Variants in RAB2A observed in about 807,000 individuals in gnomAD.
RAB2A encodes RAB2A, member RAS oncogene family, also known as ras-related protein Rab-2A.
A neutral mutation model predicts 32.5 loss-of-function variants in RAB2A; 7 were observed. The observed-to-expected ratio is 0.22, with a 90% CI of 0.12 to 0.40. The LOEUF (loss-of-function observed/expected upper bound fraction) is 0.40. Ranked by LOEUF, RAB2A falls within the 10% of genes least tolerant of loss-of-function variation. RAB2A has a pLI of 1.00. For missense variants in RAB2A, 108 were observed against 260.7 expected, an observed-to-expected ratio of 0.41 and a Z score of 4.03; for synonymous variants, 79 against 85.2, an observed-to-expected ratio of 0.93 and a Z score of 0.40.
chr8:60,531,045 A>G (rs1477757141), intron 1 of RAB2A, among the ~76,000 whole-genome samples: 6 of 152,124 alleles, frequency 3.9e-5, no homozygotes, highest in African/African-American at 1.4e-4. Context: ...ATTCACCAAG[A>G]CTCAGGGTTT....
At chr8:60,564,456 T>C (rs1165335925) in intron 2 of RAB2A, among the ~76,000 whole-genome samples, 1 of 152,218 alleles carries the variant, frequency 6.6e-6, no homozygotes, top group Non-Finnish European at 1.5e-5. Flanking sequence ...TCTCTCATAT[T>C]AGCAAAATTC....
chr8:60,574,327 A>C (rs893919418), intron 3 of RAB2A, among the ~76,000 whole-genome samples: 2 of 152,120 alleles, frequency 1.3e-5, no homozygotes, highest in Admixed American at 1.3e-4. Context: ...GGATCCACCT[A>C]TATCTTATGC....
At chr8:60,601,346 CTT>C (rs879734121) in intron 6 of RAB2A, among the ~76,000 whole-genome samples, 1 of 147,270 alleles carries the variant, frequency 6.8e-6, no homozygotes, top group African/African-American at 2.5e-5. Context: ...TATTTTCTTT[CTT>C]TTTTTTTTTG....
chr8:60,533,132 A>G (rs1807502933), intron 1 of RAB2A, among the ~76,000 whole-genome samples: 1 of 152,226 alleles, frequency 6.6e-6, no homozygotes, highest in Admixed American at 6.5e-5. Flanking sequence ...TTCAATATCC[A>G]CACATGTCTA....
At chr8:60,536,691 G>A (rs1399796864) in intron 1 of RAB2A, among the ~76,000 whole-genome samples, 1 of 152,164 alleles carries the variant, frequency 6.6e-6, no homozygotes, top group Non-Finnish European at 1.5e-5. Flanking sequence ...TGCAGTGTCA[G>A]GATCATTTCA....
intron 1 of RAB2A, among the ~76,000 whole-genome samples, chr8:60,533,301 T>A (rs1807505589): frequency 6.6e-6 from 1 of 152,214 alleles, no homozygotes; most frequent in South Asian, 2.1e-4. Context: ...AAACTCTTGT[T>A]TTAAAGGAAT....
chr8:60,549,488 T>C (rs1029133735), intron 1 of RAB2A, among the ~76,000 whole-genome samples: 1 of 151,912 alleles, frequency 6.6e-6, no homozygotes, highest in Non-Finnish European at 1.5e-5. Flanking sequence ...CCTTTTTTTT[T>C]TTTTTTTTGG....
intron 2 of RAB2A, among the ~76,000 whole-genome samples, chr8:60,570,958 A>G (rs149202891): frequency 1.7e-3 from 263 of 152,304 alleles, no homozygotes; most frequent in African/African-American, 5.8e-3. Flanking sequence ...TCTGGGGACC[A>G]TGTGTGTCTT....
At chr8:60,602,362 A>C (rs1046689645) in intron 6 of RAB2A, among the ~76,000 whole-genome samples, 3 of 152,264 alleles carry the variant, frequency 2.0e-5, no homozygotes, top group Non-Finnish European at 2.9e-5. Context: ...TAAAAAATAT[A>C]ACACAATACC....
chr8:60,558,512 A>G (rs1234914503), intron 1 of RAB2A: 1 of 496,282 alleles, frequency 2.0e-6, no homozygotes, highest in South Asian at 1.5e-5. Flanking sequence ...AAATATTTTC[A>G]CTGTAACACA....
At chr8:60,590,482 A>T (rs964078108) in intron 5 of RAB2A, among the ~76,000 whole-genome samples, 14 of 141,792 alleles carry the variant, frequency 9.9e-5, no homozygotes, top group South Asian at 6.7e-4. Context: ...TGAAAAAATT[A>T]AAAAAAAAAA....
intron 3 of RAB2A, among the ~76,000 whole-genome samples, chr8:60,575,138 G>A (rs1389421493): frequency 1.5e-5 from 2 of 131,332 alleles, no homozygotes; most frequent in Admixed American, 8.7e-5. Context: ...TTACTCTGTC[G>A]CCCAGGCTTG....
intron 7 of RAB2A, 65 bp downstream of exon 7, chr8:60,618,713 AT>A (rs762198409): frequency 2.3e-5 from 13 of 572,774 alleles, no homozygotes; most frequent in South Asian, 6.0e-5. Flanking sequence ...ACTATTTTAT[AT>A]TTTTTATTTT....
chr8:60,577,186 C>T (rs1403296206), intron 3 of RAB2A, among the ~76,000 whole-genome samples: 6 of 151,950 alleles, frequency 3.9e-5, no homozygotes, highest in Non-Finnish European at 7.4e-5. Context: ...CCTGGGACTA[C>T]AGGCACTCGC....
intron 7 of RAB2A, among the ~76,000 whole-genome samples, chr8:60,619,403 G>A (rs1804496443): frequency 6.6e-6 from 1 of 152,098 alleles, no homozygotes; most frequent in Non-Finnish European, 1.5e-5. Flanking sequence ...TGAAAGAAAA[G>A]CCCTGGTTTC....
intron 1 of RAB2A, chr8:60,558,349 G>T (rs548703187): frequency 2.3e-4 from 108 of 461,110 alleles, no homozygotes; most frequent in African/African-American, 2.1e-3. Context: ...TAGAGTGAAG[G>T]AATGCAATTC....
chr8:60,558,116 T>A (rs1807966182), intron 1 of RAB2A, among the ~76,000 whole-genome samples: 1 of 152,208 alleles, frequency 6.6e-6, no homozygotes, highest in South Asian at 2.1e-4. Context: ...GAATGGTGAC[T>A]GCTTTTAGTA....
intron 1 of RAB2A, among the ~76,000 whole-genome samples, chr8:60,521,163 G>C (rs1563456765): frequency 6.6e-6 from 1 of 152,174 alleles, no homozygotes; most frequent in African/African-American, 2.4e-5. Flanking sequence ...CTTTGCCTTT[G>C]TCTTAGATGC....
At chr8:60,604,490 A>T (rs1804192835) in intron 6 of RAB2A, among the ~76,000 whole-genome samples, 1 of 152,126 alleles carries the variant, frequency 6.6e-6, no homozygotes, top group Non-Finnish European at 1.5e-5. Context: ...AAAATTTGGA[A>T]CTTCTTAGAG....
Sources: gnomAD v4.1 joint callset for allele counts (sites outside exome capture counted in the v4.1 genomes callset) on GRCh38, gnomAD v4.1.1 for gene constraint, MANE v1.5 for transcripts, NCBI Gene and HGNC (gene_info 2026-07-23, HGNC 2026-07-21) for gene names.